ADAMTS6: variants seen among roughly 807,000 people sequenced by gnomAD.
ADAMTS6 encodes the protein ADAM metallopeptidase with thrombospondin type 1 motif 6, also known as A disintegrin and metalloproteinase with thrombospondin motifs 6.
In ADAMTS6, 23 loss-of-function variants were observed where a neutral mutation model predicts 144.3. The observed-to-expected ratio is 0.16, with a 90% confidence interval of 0.11 to 0.23. ADAMTS6 has a LOEUF of 0.23. ADAMTS6 is among the 10% of genes least tolerant of loss of function. The pLI is 1.00. For synonymous variants in ADAMTS6, 444 were observed against 457.5 expected, an observed-to-expected ratio of 0.97 and a Z score of 0.38; for missense variants, 999 against 1,379.6, an observed-to-expected ratio of 0.72 and a Z score of 4.37.
intron 7 of ADAMTS6, among the ~76,000 whole-genome samples, chr5:65,378,104 C>T (rs1751720440): frequency 6.6e-6 from 1 of 152,140 alleles, no homozygotes; most frequent in Non-Finnish European, 1.5e-5. Context: ...CTGCAAGACC[C>T]TATTTCCAAA....
intron 3 of ADAMTS6, among the ~76,000 whole-genome samples, chr5:65,470,013 C>G (rs1415824383): frequency 6.6e-6 from 1 of 152,116 alleles, no homozygotes; most frequent in African/African-American, 2.4e-5. Flanking sequence ...TGTGTATTTA[C>G]CATTAGACTA....
chr5:65,299,552 T>C (rs1053166879), intron 10 of ADAMTS6, among the ~76,000 whole-genome samples: 1 of 152,200 alleles, frequency 6.6e-6, no homozygotes, highest in Non-Finnish European at 1.5e-5. Flanking sequence ...AAAGTGTTCA[T>C]TTCCTTGGTG....
intron 14 of ADAMTS6, among the ~76,000 whole-genome samples, chr5:65,243,079 T>A (rs959795260): frequency 3.3e-5 from 5 of 152,098 alleles, no homozygotes; most frequent in Admixed American, 6.5e-5. Context: ...GTGACTTAAT[T>A]TGACTTATCT....
At chr5:65,255,288 A>C (rs1233367815) in intron 14 of ADAMTS6, among the ~76,000 whole-genome samples, 1 of 151,992 alleles carries the variant, frequency 6.6e-6, no homozygotes, top group Non-Finnish European at 1.5e-5. Context: ...TTTTTATTTC[A>C]ATAGGTTTTT....
At chr5:65,457,836 C>T (rs1303535522) in intron 4 of ADAMTS6, among the ~76,000 whole-genome samples, 5 of 147,720 alleles carry the variant, frequency 3.4e-5, no homozygotes, top group Non-Finnish European at 5.9e-5. Flanking sequence ...AAGCAATTCT[C>T]CTGCCTCAGC....
At chr5:65,187,607 C>A (rs770773220) in intron 22 of ADAMTS6, among the ~76,000 whole-genome samples, 4 of 152,062 alleles carry the variant, frequency 2.6e-5, no homozygotes, top group Non-Finnish European at 5.9e-5. Flanking sequence ...CAAATGAGAT[C>A]CTAGAAAAGG....
intron 20 of ADAMTS6, among the ~76,000 whole-genome samples, chr5:65,207,206 C>T (rs1407692013): frequency 1.3e-5 from 2 of 152,120 alleles, no homozygotes; most frequent in East Asian, 3.9e-4. Context: ...CAGAGAGATG[C>T]TTTTGTGTAT....
chr5:65,470,120 C>T (rs1249591484), intron 3 of ADAMTS6, among the ~76,000 whole-genome samples: 1 of 152,112 alleles, frequency 6.6e-6, no homozygotes, highest in Non-Finnish European at 1.5e-5. Context: ...ATGGGTGCCT[C>T]GCCATGCTGC....
At chr5:65,292,936 T>C (rs112009286) in intron 10 of ADAMTS6, among the ~76,000 whole-genome samples, 4,814 of 152,202 alleles carry the variant, frequency 0.032, 258 homozygotes, top group African/African-American at 0.11. Flanking sequence ...TTTATTATAC[T>C]TTTAGAAATT....
At chr5:65,274,180 TATAAA>T (rs1377971050) in intron 11 of ADAMTS6, among the ~76,000 whole-genome samples, 2 of 152,090 alleles carry the variant, frequency 1.3e-5, no homozygotes, top group African/African-American at 4.8e-5. Context: ...ATATTGACAA[TATAAA>T]ATACTTTTTT....
chr5:65,224,340 G>A lies in ADAMTS6; in HGVS notation c.2252C>T (p.Ala751Val), dbSNP rs143194045. ...GSVHIEVREV[A>V]MSKNYIALKS... Reference sequence around the variant, plus strand: ...CATACCAATATAGTTCTTTGACATGGCAACTTCTCTAACTTCAATGTGAAC... The same window carrying A: ...CATACCAATATAGTTCTTTGACATGACAACTTCTCTAACTTCAATGTGAAC... Residue 751 changes from alanine (A) to valine (V), a missense_variant, in exon 18 of 25, where the codon GCC becomes GTC. This residue lies in a region of ADAMTS6 where 619 missense variants were observed against 837.0 expected (regional missense o/e 0.74). Transcript: ENST00000381055. 1.2e-6 allele frequency: 2 copies of A among 1,613,828 alleles called. No individual in the cohort carries two copies. Among genetic ancestry groups the A allele is most frequent in the Non-Finnish European group, 1.7e-6 (2 of 1,179,964 alleles).
chr5:65,175,606 C>T (rs1196452983), intron 22 of ADAMTS6, among the ~76,000 whole-genome samples: 1 of 151,968 alleles, frequency 6.6e-6, no homozygotes, highest in Non-Finnish European at 1.5e-5. Context: ...AGCATTCAAT[C>T]TGTAGGCAAC....
intron 7 of ADAMTS6, among the ~76,000 whole-genome samples, chr5:65,369,536 A>G (rs759319833): frequency 7.3e-6 from 1 of 136,370 alleles, no homozygotes; most frequent in East Asian, 2.0e-4. Flanking sequence ...GTTACGCTTC[A>G]TTAAAAAAAA....
intron 14 of ADAMTS6, among the ~76,000 whole-genome samples, chr5:65,254,458 T>A (rs1298099218): frequency 6.6e-6 from 1 of 152,156 alleles, no homozygotes; most frequent in East Asian, 1.9e-4. Flanking sequence ...CTGGAGTAAA[T>A]GTAAGATTTT....
intron 11 of ADAMTS6, among the ~76,000 whole-genome samples, chr5:65,274,543 C>T (rs1011869882): frequency 2.6e-5 from 4 of 152,130 alleles, no homozygotes; most frequent in African/African-American, 9.7e-5. Flanking sequence ...AATGAAATAT[C>T]GATGTCACTG....
At chr5:65,341,951 G>A (rs992997540) in intron 7 of ADAMTS6, among the ~76,000 whole-genome samples, 2 of 151,934 alleles carry the variant, frequency 1.3e-5, no homozygotes, top group Admixed American at 6.6e-5. Context: ...ATAAAATAGT[G>A]GCAAACCAAA....
intron 10 of ADAMTS6, among the ~76,000 whole-genome samples, chr5:65,291,846 TA>T (rs972948708): frequency 3.7e-4 from 56 of 149,730 alleles, no homozygotes; most frequent in Admixed American, 1.9e-3. Flanking sequence ...TGCAGAAAAT[TA>T]AAAAAAAAAT....
chr5:65,226,146 C>A lies in ADAMTS6; in HGVS notation c.2007G>T (p.Val669=). 1 of 1,613,966 alleles carries A rather than the reference C, an allele frequency of 6.2e-7. No homozygotes were observed. The highest frequency in any genetic ancestry group is 8.5e-7 in the Non-Finnish European group (1 of 1,179,898). ...CCGCATTGCACTGGGTCCCATCGAT[C>A]ACCGCAGGAGCACGTTCAGTGTAGA... The part of the protein sequence containing the change: ...YNFYTERAPA[V]IDGTQCNADS... Residue 669 remains valine (V), a synonymous_variant, in exon 16 of 25, where the codon GTG becomes GTT. Coordinates refer to ENST00000381055, the MANE Select transcript of ADAMTS6 (RefSeq NM_197941.4).
At chr5:65,372,286 G>T (rs918051213) in intron 7 of ADAMTS6, among the ~76,000 whole-genome samples, 9 of 151,400 alleles carry the variant, frequency 5.9e-5, no homozygotes, top group African/African-American at 9.8e-5. Flanking sequence ...TGGACTAAAT[G>T]CTCCAATTAA....
Sources: allele counts gnomAD v4.1 joint callset (sites outside exome capture counted in the v4.1 genomes callset), GRCh38; gene constraint gnomAD v4.1.1; regional missense constraint gnomAD v4.1.1; transcripts MANE v1.5; gene names NCBI Gene and HGNC (gene_info 2026-07-23, HGNC 2026-07-21).